Variants in ALCAM observed in about 807,000 individuals in gnomAD.
ALCAM encodes CD166 antigen.
In ALCAM, 30 loss-of-function variants were observed where a neutral mutation model predicts 70.9. The observed-to-expected ratio is 0.42, with a 90% CI of 0.32 to 0.57. The LOEUF (loss-of-function observed/expected upper bound fraction) is 0.57, where lower values mean the gene tolerates loss of function less well. Among genes scored for constraint, ALCAM ranks in the 20% least tolerant of loss-of-function variants. The probability of loss-of-function intolerance (pLI) is 0.11; values close to 1 mark genes in which losing one functional copy is unlikely to be tolerated. For synonymous variants in ALCAM, 249 were observed against 242.5 expected (o/e 1.03, Z -0.25); for missense variants, 591 against 695.1 (o/e 0.85, Z 1.68).
chr3:105,444,540 A>G (rs1435780351), intron 1 of ALCAM, among the ~76,000 whole-genome samples: 1 of 152,170 alleles, frequency 6.6e-6, no homozygotes, highest in Admixed American at 6.5e-5. Context: ...TTGGGGACAC[A>G]GAGCCAAACC....
intron 1 of ALCAM, among the ~76,000 whole-genome samples, chr3:105,429,827 T>A (rs1327457191): frequency 6.6e-6 from 1 of 152,016 alleles, no homozygotes; most frequent in African/African-American, 2.4e-5. Flanking sequence ...TGTTTTATTA[T>A]TGATCTACAT....
intron 3 of ALCAM, among the ~76,000 whole-genome samples, chr3:105,531,044 G>A (rs1244832996): frequency 6.6e-6 from 1 of 151,962 alleles, no homozygotes; most frequent in African/African-American, 2.4e-5. Context: ...AAATACATTT[G>A]CTTATAAGAA....
intron 14 of ALCAM, chr3:105,553,015 G>A: frequency 6.0e-6 from 6 of 1,007,822 alleles, no homozygotes; most frequent in Non-Finnish European, 5.9e-6. Context: ...TGCTGAGGTA[G>A]GAATATCTTA....
chr3:105,379,921 C>A (rs1291738514), intron 1 of ALCAM, among the ~76,000 whole-genome samples: 1 of 151,768 alleles, frequency 6.6e-6, no homozygotes, highest in Non-Finnish European at 1.5e-5. Context: ...TGCATAATAA[C>A]TCACTAGACA....
intron 1 of ALCAM, among the ~76,000 whole-genome samples, chr3:105,515,319 C>T (rs1489340415): frequency 2.6e-5 from 4 of 152,028 alleles, no homozygotes; most frequent in Non-Finnish European, 5.9e-5. Context: ...ATTAATCCCT[C>T]ATTGTGATTT....
At chr3:105,371,298 G>T (rs1013545575) in intron 1 of ALCAM, among the ~76,000 whole-genome samples, 16 of 152,166 alleles carry the variant, frequency 1.1e-4, no homozygotes, top group Admixed American at 9.2e-4. Context: ...TTATTTTTCT[G>T]CTCTTTTTTA....
intron 1 of ALCAM, among the ~76,000 whole-genome samples, chr3:105,389,281 G>A (rs1047886140): frequency 7.5e-5 from 11 of 147,648 alleles, no homozygotes; most frequent in Admixed American, 2.7e-4. Flanking sequence ...AGAAAGATAC[G>A]CAAAACAGTG....
intron 1 of ALCAM, among the ~76,000 whole-genome samples, chr3:105,435,291 A>G (rs1200113113): frequency 6.6e-6 from 1 of 152,248 alleles, no homozygotes; most frequent in African/African-American, 2.4e-5. Context: ...GTCATACAAC[A>G]AAAAACGTGT....
At chr3:105,509,397 G>A (rs1326247387) in intron 1 of ALCAM, among the ~76,000 whole-genome samples, 1 of 151,716 alleles carries the variant, frequency 6.6e-6, no homozygotes, top group Non-Finnish European at 1.5e-5. Flanking sequence ...TTTTCAATAA[G>A]AACCATCTTA....
chr3:105,554,330 A>G (rs1940472667), intron 14 of ALCAM, among the ~76,000 whole-genome samples: 1 of 151,938 alleles, frequency 6.6e-6, no homozygotes, highest in Admixed American at 6.6e-5. Flanking sequence ...GAAGCAAGAA[A>G]AAATGTCCCA....
intron 1 of ALCAM, among the ~76,000 whole-genome samples, chr3:105,413,887 A>C (rs1426259670): frequency 1.3e-5 from 2 of 152,146 alleles, no homozygotes; most frequent in Non-Finnish European, 1.5e-5. Flanking sequence ...AGTTAGGCCT[A>C]ATATGGTCAT....
At chr3:105,436,500 T>C (rs1937052770) in intron 1 of ALCAM, among the ~76,000 whole-genome samples, 1 of 152,100 alleles carries the variant, frequency 6.6e-6, no homozygotes, top group African/African-American at 2.4e-5. Context: ...GCTAATTTTT[T>C]GTATTTTTAG....
chr3:105,407,723 A>C (rs146444513), intron 1 of ALCAM, among the ~76,000 whole-genome samples: 7 of 152,346 alleles, frequency 4.6e-5, no homozygotes, highest in African/African-American at 1.7e-4. Flanking sequence ...TATTCAGAGC[A>C]ATCAGATAAG....
At chr3:105,526,145 T>C (rs1395864459) in intron 3 of ALCAM, among the ~76,000 whole-genome samples, 1 of 152,180 alleles carries the variant, frequency 6.6e-6, no homozygotes, top group Admixed American at 6.5e-5. Context: ...AATGGTTATA[T>C]GTATTAATTT....
chr3:105,479,497 G>A (rs1336208924), intron 1 of ALCAM, among the ~76,000 whole-genome samples: 1 of 152,118 alleles, frequency 6.6e-6, no homozygotes, highest in African/African-American at 2.4e-5. Flanking sequence ...ACATGAAAAT[G>A]CTTGGAGCAC....
intron 1 of ALCAM, among the ~76,000 whole-genome samples, chr3:105,502,689 A>G (rs1048001796): frequency 6.6e-6 from 1 of 152,232 alleles, no homozygotes; most frequent in Non-Finnish European, 1.5e-5. Context: ...AGACATATAA[A>G]TGATATTTTC....
chr3:105,567,527 G>A (rs1940770471), intron 14 of ALCAM, among the ~76,000 whole-genome samples: 1 of 150,932 alleles, frequency 6.6e-6, no homozygotes, highest in Non-Finnish European at 1.5e-5. Context: ...TTACAATTTT[G>A]TTCCTAGGTT....
At chr3:105,431,309 G>A (rs746786185) in intron 1 of ALCAM, among the ~76,000 whole-genome samples, 1 of 152,024 alleles carries the variant, frequency 6.6e-6, no homozygotes, top group Non-Finnish European at 1.5e-5. Flanking sequence ...ACTTGGGCAG[G>A]GCTCACTCAT....
intron 1 of ALCAM, among the ~76,000 whole-genome samples, chr3:105,373,646 G>C (rs1935301046): frequency 1.3e-5 from 2 of 152,120 alleles, no homozygotes; most frequent in Non-Finnish European, 2.9e-5. Flanking sequence ...TGTCTTTGCT[G>C]TAGTTTTTAC....
Sources: allele counts gnomAD v4.1 joint callset (sites outside exome capture counted in the v4.1 genomes callset), GRCh38; gene constraint gnomAD v4.1.1; transcripts MANE v1.5; gene names NCBI Gene and HGNC (gene_info 2026-07-23, HGNC 2026-07-21).